GRM1: variants seen among roughly 807,000 people sequenced by gnomAD.
GRM1 encodes glutamate metabotropic receptor 1, also known as metabotropic glutamate receptor 1.
In GRM1, 33 loss-of-function variants were observed where a neutral mutation model predicts 90.9. The ratio of observed to expected loss-of-function variants is 0.36; its 90% CI spans 0.28 to 0.49. GRM1 has a LOEUF of 0.49. Ranked by LOEUF, GRM1 falls within the 20% of genes least tolerant of loss-of-function variation. The probability of loss-of-function intolerance (pLI) is 0.99; values close to 1 mark genes in which losing one functional copy is unlikely to be tolerated. For missense variants in GRM1, 1,190 were observed against 1,534.3 expected (o/e 0.78, Z 3.75); for synonymous variants, 700 against 613.2 (o/e 1.14, Z -2.09).
At chr6:146,072,943 T>C (rs1040164947) in intron 1 of GRM1, among the ~76,000 whole-genome samples, 2 of 152,090 alleles carry the variant, frequency 1.3e-5, no homozygotes, top group Non-Finnish European at 2.9e-5. Flanking sequence ...TTAGTGGTAA[T>C]ACACAGGGAA....
At chr6:146,226,089 G>T (rs534666449) in intron 2 of GRM1, among the ~76,000 whole-genome samples, 1 of 152,112 alleles carries the variant, frequency 6.6e-6, no homozygotes, top group Non-Finnish European at 1.5e-5. Context: ...CATTTAAGCC[G>T]ATCAGTAAAG....
intron 3 of GRM1, among the ~76,000 whole-genome samples, chr6:146,333,804 A>C (rs2114999726): frequency 6.6e-6 from 1 of 152,280 alleles, no homozygotes. Context: ...CTGGACCTAG[A>C]AAGGTTTATG....
chr6:146,130,420 G>A (rs193147213), intron 1 of GRM1, among the ~76,000 whole-genome samples: 129 of 152,242 alleles, frequency 8.5e-4, no homozygotes, highest in African/African-American at 3.1e-3. Flanking sequence ...AGATAGTTAA[G>A]AGAAAGTGAA....
At chr6:146,205,480 G>C (rs899463227) in intron 2 of GRM1, among the ~76,000 whole-genome samples, 1 of 152,066 alleles carries the variant, frequency 6.6e-6, no homozygotes, top group African/African-American at 2.4e-5. Flanking sequence ...ATTCGAAAGG[G>C]TAAAGCAACG....
chr6:146,205,085 C>A (rs920631838), intron 2 of GRM1, among the ~76,000 whole-genome samples: 2 of 152,070 alleles, frequency 1.3e-5, no homozygotes, highest in Admixed American at 6.6e-5. Flanking sequence ...TAATCTATTT[C>A]TAATTAGTGA....
At chr6:146,359,701 G>C (rs891681019) in intron 5 of GRM1, among the ~76,000 whole-genome samples, 1 of 152,096 alleles carries the variant, frequency 6.6e-6, no homozygotes, top group Non-Finnish European at 1.5e-5. Flanking sequence ...GTTCTCCCCA[G>C]TTCAGGGGCA....
intron 2 of GRM1, among the ~76,000 whole-genome samples, chr6:146,169,204 G>A (rs138915290): frequency 3.1e-4 from 47 of 152,038 alleles, no homozygotes; most frequent in Non-Finnish European, 5.6e-4. Flanking sequence ...CATCTAATCT[G>A]CCGTTAATCC....
intron 2 of GRM1, among the ~76,000 whole-genome samples, chr6:146,285,181 T>C (rs953937351): frequency 6.6e-6 from 1 of 152,236 alleles, no homozygotes; most frequent in African/African-American, 2.4e-5. Flanking sequence ...GCTGATACAC[T>C]TACTGGCTAT....
intron 3 of GRM1, among the ~76,000 whole-genome samples, chr6:146,327,189 T>C (rs1784425020): frequency 6.6e-6 from 1 of 152,218 alleles, no homozygotes; most frequent in South Asian, 2.1e-4. Context: ...ATCCAAAGGA[T>C]ACCACTTTGC....
intron 1 of GRM1, among the ~76,000 whole-genome samples, chr6:146,078,044 T>C (rs1776245419): frequency 6.6e-6 from 1 of 152,212 alleles, no homozygotes; most frequent in Non-Finnish European, 1.5e-5. Context: ...ACAAAGCAGA[T>C]GTTAGCTTAG....
At chr6:146,313,877 A>G (rs1475057871) in intron 3 of GRM1, among the ~76,000 whole-genome samples, 1 of 151,904 alleles carries the variant, frequency 6.6e-6, no homozygotes, top group Non-Finnish European at 1.5e-5. Context: ...TCCCATCCCC[A>G]GGCAGTCACT....
At chr6:146,122,666 A>T (rs956252866) in intron 1 of GRM1, among the ~76,000 whole-genome samples, 1 of 151,890 alleles carries the variant, frequency 6.6e-6, no homozygotes, top group African/African-American at 2.4e-5. Flanking sequence ...TCATTCTGAT[A>T]TTTGGTATTC....
At chr6:146,168,175 G>A (rs946126636) in intron 2 of GRM1, among the ~76,000 whole-genome samples, 1 of 151,752 alleles carries the variant, frequency 6.6e-6, no homozygotes, top group Non-Finnish European at 1.5e-5. Context: ...TGTAATATAT[G>A]TGTGTGTGTA....
intron 2 of GRM1, among the ~76,000 whole-genome samples, chr6:146,240,757 A>C (rs1332245247): frequency 1.3e-5 from 2 of 152,164 alleles, no homozygotes; most frequent in Non-Finnish European, 2.9e-5. Flanking sequence ...TTTAAGCAGG[A>C]TGTCTTTACA....
At chr6:146,404,551 C>A (rs1777269757) in intron 7 of GRM1, among the ~76,000 whole-genome samples, 1 of 152,084 alleles carries the variant, frequency 6.6e-6, no homozygotes, top group South Asian at 2.1e-4. Context: ...TGAACTTGAC[C>A]ATAAAGCATG....
intron 3 of GRM1, among the ~76,000 whole-genome samples, chr6:146,311,780 A>G (rs955985119): frequency 1.3e-5 from 2 of 152,094 alleles, no homozygotes; most frequent in Non-Finnish European, 2.9e-5. Context: ...GTGAAAAAAA[A>G]TACTTTTGGT....
At chr6:146,289,976 C>T (rs1370174746) in intron 2 of GRM1, among the ~76,000 whole-genome samples, 3 of 151,722 alleles carry the variant, frequency 2.0e-5, no homozygotes, top group South Asian at 2.1e-4. Context: ...GTACCTGTAG[C>T]GAAGTGTGAA....
At chr6:146,418,737 C>T (rs1777877009) in intron 7 of GRM1, among the ~76,000 whole-genome samples, 1 of 151,554 alleles carries the variant, frequency 6.6e-6, no homozygotes, top group South Asian at 2.1e-4. Context: ...TTTCCATATT[C>T]TGTTTTGATT....
chr6:146,352,496 G>T lies in GRM1; in HGVS notation c.1433G>T (p.Arg478Met). ...GATGAGAAAGGAGACGCTCCTGGAA[G>T]GTAATCTTTTCAGTAATCAATCTAA... The part of the protein sequence containing the change: ...WFDEKGDAPG[R>M]YDIMNLQYTE... The change falls in exon 4 of 8, where the codon AGG becomes ATG. Residue 478 changes from arginine (R) to methionine (M), a missense_variant and splice_region_variant. Transcript: ENST00000282753. 1 of 1,613,586 alleles carries T rather than the reference G, an allele frequency of 6.2e-7. No homozygotes were observed. Among genetic ancestry groups the T allele is most frequent in the South Asian group, 1.1e-5 (1 of 90,856 alleles).
Sources: allele counts gnomAD v4.1 joint callset (sites outside exome capture counted in the v4.1 genomes callset), GRCh38; gene constraint gnomAD v4.1.1; transcripts MANE v1.5; gene names NCBI Gene and HGNC (gene_info 2026-07-23, HGNC 2026-07-21).